TLE3: variants seen among roughly 807,000 people sequenced by gnomAD.
TLE3 encodes the protein transducin-like enhancer protein 3.
Under a neutral mutation model 93.0 loss-of-function variants are expected in TLE3, and 14 were observed. That is an observed-to-expected ratio of 0.15 (90% CI 0.10 to 0.24). TLE3 has a LOEUF of 0.24. TLE3 is among the 10% of genes least tolerant of loss of function. TLE3 has a pLI of 1.00. For synonymous variants in TLE3, 451 were observed against 425.0 expected (o/e 1.06, Z -0.75); for missense variants, 693 against 1,046.6 (o/e 0.66, Z 4.66).
intron 4 of TLE3, among the ~76,000 whole-genome samples, chr15:70,093,340 C>CTATA (rs1408484048): frequency 6.6e-6 from 1 of 152,214 alleles, no homozygotes; most frequent in Non-Finnish European, 1.5e-5. Context: ...CCCAAAGGCT[C>CTATA]TATAGGAAGC....
chr15:70,065,656 C>G (rs1432214417), intron 7 of TLE3, among the ~76,000 whole-genome samples: 1 of 152,236 alleles, frequency 6.6e-6, no homozygotes, highest in Non-Finnish European at 1.5e-5. Flanking sequence ...AACTCTTAAA[C>G]TCTTACAGGA....
At chr15:70,066,589 C>T in intron 6 of TLE3, 1 of 196,988 alleles carries the variant, frequency 5.1e-6, no homozygotes, top group East Asian at 1.3e-4. Flanking sequence ...TTTAAGCTCA[C>T]AGCCCTGGCA....
intron 4 of TLE3, among the ~76,000 whole-genome samples, chr15:70,083,109 T>A (rs1313232111): frequency 6.6e-6 from 1 of 152,122 alleles, no homozygotes; most frequent in African/African-American, 2.4e-5. Flanking sequence ...AGAAGTCCAA[T>A]CTGAGTCCAG....
rs1478810337 is a variant in TLE3, at chr15:70,097,886, A to C, written c.-1088T>G. On this transcript the variant is annotated 5_prime_UTR_variant, in exon 1 of 20. Transcript: ENST00000451782. ...GCGAAGGGGACGAGCACGAGGTCTG[A>C]ACTGCCGCGAGAGCAGTTCCAAATA... 1 of 296,622 alleles carries C rather than the reference A, an allele frequency of 3.4e-6. No homozygotes were observed. The highest frequency in any genetic ancestry group is 2.2e-5 in the African/African-American group (1 of 46,200). 18.4% of individuals were successfully genotyped at this position (296,622 alleles called of 1,614,324 possible).
intron 4 of TLE3, among the ~76,000 whole-genome samples, chr15:70,088,007 A>G (rs1403533406): frequency 6.6e-6 from 1 of 151,952 alleles, no homozygotes; most frequent in Non-Finnish European, 1.5e-5. Flanking sequence ...TGGGCCATCA[A>G]CTCTGCAGCA....
intron 4 of TLE3, among the ~76,000 whole-genome samples, chr15:70,088,950 C>G (rs1468360670): frequency 6.9e-6 from 1 of 145,782 alleles, no homozygotes; most frequent in Non-Finnish European, 1.5e-5. Context: ...TGCAGGGATG[C>G]AGGGAGCCAC....
intron 13 of TLE3, among the ~76,000 whole-genome samples, chr15:70,057,182 G>A (rs941916985): frequency 9.9e-5 from 15 of 152,228 alleles, no homozygotes; most frequent in Admixed American, 9.8e-4. Context: ...GGAAAGCCAG[G>A]TGTCAGCCCC....
chr15:70,074,957 C>G (rs1001924069), intron 5 of TLE3, among the ~76,000 whole-genome samples: 1 of 152,180 alleles, frequency 6.6e-6, no homozygotes, highest in African/African-American at 2.4e-5. Context: ...TATTAATTCT[C>G]TAAACATGGT....
At chr15:70,077,906 C>A (rs1003043654) in intron 4 of TLE3, among the ~76,000 whole-genome samples, 14 of 152,352 alleles carry the variant, frequency 9.2e-5, no homozygotes, top group African/African-American at 3.1e-4. Context: ...CTGCCCAGCT[C>A]AGACCCACTG....
intron 17 of TLE3, 27 bp from the exon 18 acceptor site, chr15:70,052,551 C>A (rs746254038): frequency 1.2e-6 from 2 of 1,605,862 alleles, no homozygotes; most frequent in Non-Finnish European, 1.7e-6. Context: ...GGCAGATGGA[C>A]TGAGCTCAGC....
intron 4 of TLE3, among the ~76,000 whole-genome samples, chr15:70,089,714 C>T (rs958806393): frequency 1.5e-4 from 23 of 152,336 alleles, no homozygotes; most frequent in Admixed American, 1.2e-3. Flanking sequence ...CACTGCCAAG[C>T]TTAGGTCTTT....
In TLE3 at chr15:70,058,948, A is replaced by C. The variant is rs1028258698; in HGVS notation, c.766-133T>G. 8.4e-6 allele frequency: 10 copies of C among 1,193,682 alleles called. No individual in the cohort carries two copies. In the African/African-American group the frequency reaches 1.4e-4, roughly 17 times the overall value. The allele number at this position is 1,193,682 out of a possible 1,614,324, so 73.9% of individuals were successfully genotyped here. A position where few individuals can be genotyped will look rare whatever the true frequency, so the allele number is the denominator to read the frequency against. ...TTGGCTGAAAGACTGGGGGCCCCAC[A>C]GTGAGGAAAAACTAGCTCTTAACCA... On this transcript the variant is annotated intron_variant, in intron 10 of 19. Transcript: ENST00000451782. This position sits in a 1 kb window ranked among gnomAD's most constrained non-coding sequence, Gnocchi z 4.1.
At position 70,058,765 on chromosome 15, in the gene TLE3, C is replaced by T. The variant is rs1242525940; in HGVS notation, c.816G>A (p.Gly272=). 2 of 1,609,312 alleles carry T rather than the reference C, an allele frequency of 1.2e-6. No homozygotes were observed. Among genetic ancestry groups the T allele is most frequent in the Non-Finnish European group, 1.7e-6 (2 of 1,178,104 alleles). Reference sequence around the variant, plus strand: ...TTTTCAGGCTACGGGCCTTGTCCAGCCCATTTTCAGGAGGGGAGTGTGCCG... The same window carrying T: ...TTTTCAGGCTACGGGCCTTGTCCAGTCCATTTTCAGGAGGGGAGTGTGCCG... ...VSPAHSPPEN[G]LDKARSLKKD... The change falls in exon 11 of 20, where the codon GGG becomes GGA. Residue 272 remains glycine, a synonymous_variant. Coordinates refer to ENST00000451782, the MANE Select transcript of TLE3 (RefSeq NM_001105192.3). The surrounding 1 kb of genome is among the most constrained non-coding windows in gnomAD (Gnocchi z 4.1).
chr15:70,090,362 A>G (rs1203628337), intron 4 of TLE3, among the ~76,000 whole-genome samples: 1 of 152,106 alleles, frequency 6.6e-6, no homozygotes, highest in African/African-American at 2.4e-5. Context: ...TCACAGCTCA[A>G]CTCAGATGCC....
At chr15:70,074,358 A>G (rs1595940774) in intron 6 of TLE3, 175 bp downstream of exon 6, 2 of 682,274 alleles carry the variant, frequency 2.9e-6, no homozygotes, top group Non-Finnish European at 4.7e-6. Context: ...ACTGGGAGCC[A>G]AGGGGGAAAC....
rs546370384 is a variant in TLE3 at position 70,050,219 on chromosome 15, CGAG to C, written c.2203-18_2203-16del. On this transcript the variant is annotated splice_polypyrimidine_tract_variant and intron_variant, in intron 19 of 19. Transcript: ENST00000451782. ...GATTCTTTAGACTGGAGGAGGAAGA[CGAG>C]GAGAAGCAGCAGGAAGGCGTGGGGT... 68 of 1,603,878 alleles carry C rather than the reference CGAG, an allele frequency of 4.2e-5. No individual in the cohort carries two copies. In the African/African-American group the frequency reaches 7.2e-4, roughly 17 times the overall value.
intron 17 of TLE3, chr15:70,052,999 ATG>A: frequency 9.5e-6 from 5 of 525,918 alleles, no homozygotes; most frequent in South Asian, 8.6e-5. Context: ...GCAGCAGAGA[ATG>A]AATCGAATTT....
chr15:70,097,016 G>A lies in TLE3; in HGVS notation c.-218C>T. 1.7e-6 allele frequency: 1 copy of A among 595,638 alleles called. No individual in the cohort carries two copies. Among genetic ancestry groups the A allele is most frequent in the Non-Finnish European group, 2.9e-6 (1 of 347,884 alleles). 36.9% of individuals were successfully genotyped at this position (595,638 alleles called of 1,614,324 possible). A position where few individuals can be genotyped will look rare whatever the true frequency, so the allele number is the denominator to read the frequency against. The stretch of plus-strand genomic sequence containing the variant: ...CGGAGCAGGCGGCAAAGTCGTCGGC[G>A]GGCGCCGGGGCCGGGCGGCGGGCGC... On this transcript the variant is annotated 5_prime_UTR_variant, in exon 1 of 20. Transcript: ENST00000451782.
At chr15:70,076,255 G>T in intron 4 of TLE3, 97 bp from the exon 5 acceptor site, 2 of 1,142,884 alleles carry the variant, frequency 1.7e-6, no homozygotes, top group Non-Finnish European at 2.6e-6. Flanking sequence ...CCAGACCACA[G>T]CCCCTCTCCA....
Sources: allele counts gnomAD v4.1 joint callset (sites outside exome capture counted in the v4.1 genomes callset), GRCh38; gene constraint gnomAD v4.1.1; non-coding constraint Gnocchi (gnomAD v3.1); transcripts MANE v1.5; gene names NCBI Gene and HGNC (gene_info 2026-07-23, HGNC 2026-07-21).